ZRANB1: variants seen among roughly 807,000 people sequenced by gnomAD.
ZRANB1 encodes the protein zinc finger RANBP2-type containing 1.
A neutral mutation model predicts 80.5 loss-of-function variants in ZRANB1; 16 were observed. The observed-to-expected ratio is 0.20, with a 90% CI of 0.13 to 0.30. The LOEUF is 0.30. Among genes scored for constraint, ZRANB1 ranks in the 10% least tolerant of loss-of-function variants. ZRANB1 has a pLI of 1.00. For synonymous variants in ZRANB1, 291 were observed against 293.1 expected (o/e 0.99, Z 0.07); for missense variants, 576 against 862.6 (o/e 0.67, Z 4.16).
chr10:124,949,518 C>T (rs921413484), intron 1 of ZRANB1, among the ~76,000 whole-genome samples: 1 of 102,798 alleles, frequency 9.7e-6, no homozygotes, highest in Non-Finnish European at 2.2e-5. Flanking sequence ...CACACACACA[C>T]ACACATTTTT....
chr10:124,937,688 A>T (rs1158059995), upstream of ZRANB1, among the ~76,000 whole-genome samples: 3 of 152,240 alleles, frequency 2.0e-5, no homozygotes, highest in African/African-American at 7.2e-5. Flanking sequence ...TGCTATTAGT[A>T]CATATACCAT....
intron 1 of ZRANB1, among the ~76,000 whole-genome samples, chr10:124,944,168 G>A (rs990265121): frequency 1.3e-5 from 2 of 152,106 alleles, no homozygotes; most frequent in African/African-American, 2.4e-5. Flanking sequence ...CAAAAGCAGT[G>A]ACTTGAGTCT....
the ZRANB1 span, among the ~76,000 whole-genome samples, chr10:124,920,550 C>T: frequency 1.3e-5 from 2 of 152,114 alleles, no homozygotes; most frequent in African/African-American, 4.8e-5. Context: ...CTAACTCTAG[C>T]CACACTAACT....
At chr10:124,948,242 C>T (rs1015436527) in intron 1 of ZRANB1, among the ~76,000 whole-genome samples, 1 of 152,118 alleles carries the variant, frequency 6.6e-6, no homozygotes, top group African/African-American at 2.4e-5. Flanking sequence ...TTATGATTTT[C>T]TTAATAACAT....
At chr10:124,945,550 G>A (rs1367386948) in intron 1 of ZRANB1, 2 of 151,354 alleles carry the variant, frequency 1.3e-5, no homozygotes, top group Admixed American at 1.3e-4. Flanking sequence ...CACAGTGAAG[G>A]TCACTAAACC....
chr10:124,919,859 C>T, the ZRANB1 span, among the ~76,000 whole-genome samples: 1 of 150,592 alleles, frequency 6.6e-6, no homozygotes, highest in Admixed American at 6.6e-5. Flanking sequence ...GATCCACCCG[C>T]CTCGGCCTCC....
chr10:124,955,080 GA>G (rs1468271224), intron 1 of ZRANB1, among the ~76,000 whole-genome samples: 1 of 151,352 alleles, frequency 6.6e-6, no homozygotes, highest in African/African-American at 2.4e-5. Flanking sequence ...AGTGAGCCGA[GA>G]TTGCGCCACT....
rs567600007 is a variant in ZRANB1 at position 124,958,265 on chromosome 10, A to C, written c.815-8329A>C. ...GGACCTCTTCTCTATTAAAAATAAA[A>C]AACTTAGCTGGGTGTGGTGGCAGGG... On this transcript the variant is annotated intron_variant, in intron 1 of 8. Coordinates refer to ENST00000359653, the MANE Select transcript of ZRANB1 (RefSeq NM_017580.3). 1.6e-4 allele frequency among the ~76,000 whole-genome samples: 24 copies of C among 152,314 alleles called. No individual in the cohort carries two copies. In the East Asian group the frequency reaches 3.7e-3, roughly 23 times the overall value.
chr10:124,971,083 C>A (rs1286775704), intron 2 of ZRANB1, among the ~76,000 whole-genome samples: 1 of 152,226 alleles, frequency 6.6e-6, no homozygotes, highest in East Asian at 1.9e-4. Context: ...CTCGGCCTCC[C>A]AGAGTTGGTG....
In ZRANB1 at chr10:124,983,379, C is replaced by G. The variant is rs1023538339; in HGVS notation, c.1678+75C>G. The G allele has an allele frequency of 1.9e-5, 31 of 1,594,966 alleles. No homozygotes were observed. Among genetic ancestry groups the G allele is most frequent in the Non-Finnish European group, 2.5e-5 (29 of 1,168,296 alleles). On this transcript the variant is annotated intron_variant, in intron 7 of 8. Coordinates refer to ENST00000359653, the MANE Select transcript of ZRANB1 (RefSeq NM_017580.3). The surrounding 1 kb of genome is among the most constrained non-coding windows in gnomAD (Gnocchi z 6.2). ...TCAGATGTCAGGAAGGAGCAGTGGA[C>G]AGGGGAATGTGAACAAGGGCAGTGA...
chr10:124,954,446 GTTT>G (rs1227693538), intron 1 of ZRANB1, among the ~76,000 whole-genome samples: 1 of 123,634 alleles, frequency 8.1e-6, no homozygotes. Flanking sequence ...TACATTAAAA[GTTT>G]TTTTTTTTTT....
In ZRANB1 at chr10:124,984,803, G is replaced by A. The variant is rs761295715; in HGVS notation, c.1938G>A (p.Leu646=). 1.2e-6 allele frequency: 2 copies of A among 1,613,850 alleles called. No individual in the cohort carries two copies. Among genetic ancestry groups the A allele is most frequent in the Non-Finnish European group, 1.7e-6 (2 of 1,179,950 alleles). Residue 646 remains leucine, a synonymous_variant, in exon 9 of 9, where the codon CTG becomes CTA. Coordinates refer to ENST00000359653, the MANE Select transcript of ZRANB1 (RefSeq NM_017580.3). The part of the protein sequence containing the change: ...ELGNEEQQEK[L]LREWLDCCVT... ...GTAATGAGGAACAGCAAGAAAAACTGCTCAGGGAGTGGCTGGACTGCTGTG... is the reference window on the plus strand; with the variant it reads ...GTAATGAGGAACAGCAAGAAAAACTACTCAGGGAGTGGCTGGACTGCTGTG...
chr10:124,941,000 A>AAAC (rs146988967), upstream of ZRANB1, among the ~76,000 whole-genome samples: 5,685 of 151,968 alleles, frequency 0.037, 338 homozygotes, highest in African/African-American at 0.13. Context: ...ACAAAAATGA[A>AAAC]AACAACAACA....
chr10:124,917,965 G>T, the ZRANB1 span, among the ~76,000 whole-genome samples: 1 of 152,164 alleles, frequency 6.6e-6, no homozygotes, highest in Non-Finnish European at 1.5e-5. Flanking sequence ...TTTAGGTTAA[G>T]CCTGGAAGTT....
rs774066689 is a variant in ZRANB1 at position 124,942,463 on chromosome 10, G to T, written c.-31G>T. 2.5e-6 allele frequency: 4 copies of T among 1,613,238 alleles called. No individual in the cohort carries two copies. The South Asian group carries it at 3.3e-5, about 13-fold the overall frequency. On this transcript the variant is annotated 5_prime_UTR_variant, in exon 1 of 9. Coordinates refer to ENST00000359653, the MANE Select transcript of ZRANB1 (RefSeq NM_017580.3). Reference sequence around the variant, plus strand: ...ATGTCCTAATTATTTATAGCTTCCTGCCTGACACAGCTCACTTCAAGAAGT... The same window carrying T: ...ATGTCCTAATTATTTATAGCTTCCTTCCTGACACAGCTCACTTCAAGAAGT...
At chr10:124,917,414 G>C in the ZRANB1 span, 1 of 150,956 alleles carries the variant, frequency 6.6e-6, no homozygotes, top group African/African-American at 2.4e-5. Flanking sequence ...GGAGGGCAGG[G>C]GCCCGGGCCG....
chr10:124,951,286 A>G (rs985326244), intron 1 of ZRANB1, among the ~76,000 whole-genome samples: 7 of 152,172 alleles, frequency 4.6e-5, no homozygotes, highest in African/African-American at 1.7e-4. Context: ...GCCTGGTGTA[A>G]TGAAAGGGAG....
At chr10:124,917,686 C>T in the ZRANB1 span, among the ~76,000 whole-genome samples, 2 of 152,186 alleles carry the variant, frequency 1.3e-5, no homozygotes, top group African/African-American at 2.4e-5. Context: ...CTGGTGTCTC[C>T]AAACTTGTAT....
chr10:124,948,440 A>G (rs1453470030), intron 1 of ZRANB1, among the ~76,000 whole-genome samples: 1 of 151,808 alleles, frequency 6.6e-6, no homozygotes, highest in African/African-American at 2.4e-5. Flanking sequence ...ATGTTGTTCA[A>G]GGGCCAAATA....
Sources: allele counts gnomAD v4.1 joint callset (sites outside exome capture counted in the v4.1 genomes callset), GRCh38; gene constraint gnomAD v4.1.1; non-coding constraint Gnocchi (gnomAD v3.1); transcripts MANE v1.5; gene names NCBI Gene and HGNC (gene_info 2026-07-23, HGNC 2026-07-21).